MAGI1: variants seen among roughly 807,000 people sequenced by gnomAD.
MAGI1 encodes the protein membrane associated guanylate kinase, WW and PDZ domain containing 1.
In MAGI1, 58 loss-of-function variants were observed where a neutral mutation model predicts 139.9. The observed-to-expected ratio is 0.41, with a 90% CI of 0.34 to 0.52. The LOEUF is 0.52. Ranked by LOEUF, MAGI1 falls within the 20% of genes least tolerant of loss-of-function variation. The probability of loss-of-function intolerance (pLI) is 0.12; values close to 1 mark genes in which losing one functional copy is unlikely to be tolerated. For synonymous variants in MAGI1, 812 were observed against 737.9 expected, an observed-to-expected ratio of 1.10 and a Z score of -1.63; for missense variants, 1,874 against 1,901.6, an observed-to-expected ratio of 0.99 and a Z score of 0.27.
At chr3:65,428,239 T>A (rs953290098) in intron 12 of MAGI1, among the ~76,000 whole-genome samples, 2 of 152,172 alleles carry the variant, frequency 1.3e-5, no homozygotes, top group Non-Finnish European at 2.9e-5. Flanking sequence ...GGCCTGAATA[T>A]GTTGTTCATG....
intron 2 of MAGI1, among the ~76,000 whole-genome samples, chr3:65,553,644 C>T (rs1464373224): frequency 3.3e-5 from 5 of 152,092 alleles, no homozygotes; most frequent in African/African-American, 4.8e-5. Flanking sequence ...CATATTAAGA[C>T]AAATGAATAA....
intron 1 of MAGI1, among the ~76,000 whole-genome samples, chr3:65,700,737 C>T (rs1427738931): frequency 6.6e-6 from 1 of 152,058 alleles, no homozygotes; most frequent in African/African-American, 2.4e-5. Flanking sequence ...TATAAGAAAC[C>T]CTCAAAGGAT....
chr3:65,360,414 T>C, intron 22 of MAGI1: 1 of 967,886 alleles, frequency 1.0e-6, no homozygotes, highest in Non-Finnish European at 1.2e-6. Context: ...ATTATTATCA[T>C]ATACAATATT....
intron 1 of MAGI1, among the ~76,000 whole-genome samples, chr3:65,715,203 T>C (rs940683065): frequency 6.6e-6 from 1 of 152,218 alleles, no homozygotes; most frequent in African/African-American, 2.4e-5. Context: ...CAAGGGTATA[T>C]CACTCTCATC....
rs1280131870 is a variant in MAGI1, at chr3:65,429,821, A to G, written c.1866T>C (p.His622=). 6 of 1,613,984 alleles carry G rather than the reference A, an allele frequency of 3.7e-6. No individual in the cohort carries two copies. In the East Asian group the frequency reaches 6.7e-5, roughly 18 times the overall value. ...SPADVASNSS[H]GYPNDTVSLA... is the part of the protein sequence containing the mutation. ...AAGAAACAGTGTCATTAGGATAACC[A>G]TGAGAACTATTTGAAGCCACGTCCG... The change falls in exon 12 of 23, where the codon CAT becomes CAC. Residue 622 remains histidine (H), a synonymous_variant. Coordinates refer to ENST00000402939, the MANE Select transcript of MAGI1 (RefSeq NM_001033057.2).
intron 16 of MAGI1, among the ~76,000 whole-genome samples, chr3:65,380,347 T>C (rs1476841992): frequency 6.6e-6 from 1 of 152,264 alleles, no homozygotes; most frequent in African/African-American, 2.4e-5. Context: ...ATTGTTTTAA[T>C]TTTGGAAAAA....
At chr3:65,439,846 G>C (rs764895226) in intron 9 of MAGI1, 33 bp downstream of exon 9, 1 of 1,607,006 alleles carries the variant, frequency 6.2e-7, no homozygotes, top group African/African-American at 1.3e-5. Context: ...ATGCTCCCCT[G>C]ATCAAGAAAA....
intron 1 of MAGI1, among the ~76,000 whole-genome samples, chr3:65,812,468 T>TCACACACACACACACA (rs1553711393): frequency 5.8e-4 from 52 of 89,168 alleles, no homozygotes; most frequent in African/African-American, 1.6e-3. Context: ...TCTCTCTCTC[T>TCACACACACACACACA]CACACACACA....
chr3:65,774,873 T>C (rs148606710), intron 1 of MAGI1, among the ~76,000 whole-genome samples: 180 of 152,322 alleles, frequency 1.2e-3, no homozygotes, highest in Non-Finnish European at 2.1e-3. Flanking sequence ...CTGTCTTCAC[T>C]ATTGATAGCT....
At chr3:65,730,669 C>G (rs1302801046) in intron 1 of MAGI1, among the ~76,000 whole-genome samples, 1 of 152,134 alleles carries the variant, frequency 6.6e-6, no homozygotes, top group Non-Finnish European at 1.5e-5. Context: ...AATCAGGGGT[C>G]AGTTAGCGGG....
rs576547855 is a variant in MAGI1, at chr3:65,937,484, T to A, written c.313+100512A>T. On this transcript the variant is annotated intron_variant, in intron 1 of 22. Coordinates refer to ENST00000402939, the MANE Select transcript of MAGI1 (RefSeq NM_001033057.2). Reference sequence around the variant, plus strand: ...GGCCCACAGAGAAAGAGAGAGGTTGTGTCAGGGGCTGAGAGCACTCCCCTG... The same window carrying A: ...GGCCCACAGAGAAAGAGAGAGGTTGAGTCAGGGGCTGAGAGCACTCCCCTG... 1.8e-3 allele frequency among the ~76,000 whole-genome samples: 268 copies of A among 152,114 alleles called. 1 individual carries two copies. Among genetic ancestry groups the A allele is most frequent in the African/African-American group, 6.0e-3 (249 of 41,516 alleles).
intron 1 of MAGI1, among the ~76,000 whole-genome samples, chr3:65,820,467 T>C (rs918485909): frequency 2.0e-5 from 3 of 152,186 alleles, no homozygotes; most frequent in African/African-American, 7.2e-5. Flanking sequence ...CATAGGGATC[T>C]CTTTTAAGTC....
intron 1 of MAGI1, among the ~76,000 whole-genome samples, chr3:65,847,904 T>A (rs1203202085): frequency 1.3e-5 from 2 of 152,184 alleles, no homozygotes; most frequent in Non-Finnish European, 2.9e-5. Flanking sequence ...GCATGGTGGC[T>A]CACACCTGTA....
chr3:65,442,378 T>C (rs1487546328), intron 8 of MAGI1, among the ~76,000 whole-genome samples: 1 of 152,160 alleles, frequency 6.6e-6, no homozygotes, highest in Non-Finnish European at 1.5e-5. Flanking sequence ...AAGAAGTAAT[T>C]GCTAAGGAGT....
intron 7 of MAGI1, among the ~76,000 whole-genome samples, chr3:65,445,120 A>G (rs766432851): frequency 4.6e-5 from 7 of 152,218 alleles, no homozygotes; most frequent in Non-Finnish European, 1.0e-4. Context: ...CAGATTAGAC[A>G]GTACAACCTA....
intron 13 of MAGI1, among the ~76,000 whole-genome samples, chr3:65,395,446 A>T (rs1944305141): frequency 6.6e-6 from 1 of 151,404 alleles, no homozygotes; most frequent in Non-Finnish European, 1.5e-5. Context: ...GTTCGAAACC[A>T]GCCTGGCCAA....
intron 2 of MAGI1, among the ~76,000 whole-genome samples, chr3:65,564,469 T>A (rs1204603473): frequency 6.6e-6 from 1 of 152,190 alleles, no homozygotes; most frequent in African/African-American, 2.4e-5. Flanking sequence ...TAAGAATGAA[T>A]GAGATTTTAA....
At chr3:65,668,473 A>G (rs1166428276) in intron 1 of MAGI1, among the ~76,000 whole-genome samples, 1 of 152,150 alleles carries the variant, frequency 6.6e-6, no homozygotes, top group East Asian at 1.9e-4. Context: ...GATAAAAATT[A>G]AAAATATAAA....
intron 2 of MAGI1, among the ~76,000 whole-genome samples, chr3:65,539,678 T>A (rs899107282): frequency 1.3e-5 from 2 of 152,174 alleles, no homozygotes; most frequent in African/African-American, 4.8e-5. Context: ...GCTGGTTTCC[T>A]GGGCACTCTA....
Sources: gnomAD v4.1 joint callset for allele counts (sites outside exome capture counted in the v4.1 genomes callset) on GRCh38, gnomAD v4.1.1 for gene constraint, MANE v1.5 for transcripts, NCBI Gene and HGNC (gene_info 2026-07-23, HGNC 2026-07-21) for gene names.